ZNF225: variants seen among roughly 807,000 people sequenced by gnomAD.
The protein encoded by ZNF225 is zinc finger protein 225.
A neutral mutation model predicts 12.0 loss-of-function variants in ZNF225; 6 were observed. That is an observed-to-expected ratio of 0.50 (90% CI 0.27 to 0.98). The LOEUF is 0.98. Ranked by LOEUF, ZNF225 falls within the 50% of genes least tolerant of loss-of-function variation. The pLI, the probability that ZNF225 is intolerant of heterozygous loss-of-function variation, is 0.11. For synonymous variants in ZNF225, 271 were observed against 283.2 expected, an observed-to-expected ratio of 0.96 and a Z score of 0.43; for missense variants, 763 against 848.2, an observed-to-expected ratio of 0.90 and a Z score of 1.25.
At chr19:44,112,179 T>C (rs1022295824), upstream of ZNF225, 4 of 152,178 alleles carry the variant, frequency 2.6e-5, no homozygotes, top group East Asian at 7.7e-4. Context: ...CCTAATCTTC[T>C]TATGCAAATA....
At position 44,131,926 on chromosome 19, in the gene ZNF225, A is replaced by G. The variant is rs187706799; in HGVS notation, c.1312A>G (p.Lys438Glu). ...ATGTGAGGAGTGTGGGAAGGGCTAC[A>G]AAAGGAGGTTGGATCTTGACTTTCA... Reference protein sequence around the residue: ...YRCEECGKGYKRRLDLDFHQR... With the variant: ...YRCEECGKGYERRLDLDFHQR... The change falls in exon 5 of 5, where the codon AAA becomes GAA. Residue 438 changes from lysine (K) to glutamate (E), a missense_variant. Physicochemically the swap from Lys to Glu is moderately conservative, Grantham distance 56. Coordinates refer to ENST00000262894, the MANE Select transcript of ZNF225 (RefSeq NM_013362.4). The G allele has an allele frequency of 1.2e-6, 2 of 1,614,026 alleles. No homozygotes were observed. Among genetic ancestry groups the G allele is most frequent in the Non-Finnish European group, 1.7e-6 (2 of 1,180,026 alleles).
Position 44,118,253 on chromosome 19 carries a change from T to C in ZNF225, c.81T>C (p.Leu27=). Residue 27 remains leucine (L), a synonymous_variant, in exon 3 of 5, where the codon CTT becomes CTC. Coordinates refer to ENST00000262894, the MANE Select transcript of ZNF225 (RefSeq NM_013362.4). The part of the protein sequence containing the change: ...FTEEELRLLD[L]AQRKLYREVM... ...AGGAAGAGCTGAGGCTGCTGGACCT[T>C]GCCCAGAGGAAACTGTACCGAGAAG... is the stretch of plus-strand genomic sequence containing the variant. 1 of 1,613,508 alleles carries C rather than the reference T, an allele frequency of 6.2e-7. No individual in the cohort carries two copies. The highest frequency in any genetic ancestry group is 1.1e-5 in the South Asian group (1 of 91,054).
chr19:44,120,103 G>C (rs1968023659), intron 4 of ZNF225, among the ~76,000 whole-genome samples: 1 of 152,168 alleles, frequency 6.6e-6, no homozygotes, highest in Non-Finnish European at 1.5e-5. Flanking sequence ...TGTAGTCTCA[G>C]TTACTCGGGA....
In ZNF225 at chr19:44,133,005, C is replaced by T; in HGVS notation, c.*270C>T. On this transcript the variant is annotated 3_prime_UTR_variant, in exon 5 of 5. Transcript: ENST00000262894. ...CCAACCTTTGGCTACCACCCTGCCTCCTCACCTCTAAGAACTACTATTCTA... is the reference window on the plus strand; with the variant it reads ...CCAACCTTTGGCTACCACCCTGCCTTCTCACCTCTAAGAACTACTATTCTA... 3.5e-6 allele frequency: 1 copy of T among 289,582 alleles called. No individual in the cohort carries two copies. Among genetic ancestry groups the T allele is most frequent in the South Asian group, 5.1e-5 (1 of 19,788 alleles). The allele number at this position is 289,582 out of a possible 1,614,324, so 17.9% of individuals were successfully genotyped here.
intron 4 of ZNF225, among the ~76,000 whole-genome samples, chr19:44,121,815 T>C (rs768018894): frequency 6.6e-5 from 10 of 152,224 alleles, no homozygotes; most frequent in Non-Finnish European, 1.2e-4. Flanking sequence ...TCTATTCATG[T>C]TCTTAGCCCA....
At chr19:44,126,207 C>G (rs1372508767) in intron 4 of ZNF225, among the ~76,000 whole-genome samples, 5 of 152,136 alleles carry the variant, frequency 3.3e-5, no homozygotes, top group African/African-American at 1.2e-4. Context: ...GGCTGTTGTT[C>G]AGATTCTTTT....
intron 4 of ZNF225, chr19:44,128,991 C>T (rs1968196851): frequency 1.7e-6 from 2 of 1,170,654 alleles, no homozygotes; most frequent in Non-Finnish European, 2.1e-6. Context: ...GGTGATCTTA[C>T]CAACTTTCAT....
chr19:44,127,805 A>AT (rs1231075772), intron 4 of ZNF225, among the ~76,000 whole-genome samples: 2 of 151,694 alleles, frequency 1.3e-5, no homozygotes, highest in Non-Finnish European at 2.9e-5. Context: ...TGCCCAGCTA[A>AT]TTTTTTTGTA....
intron 4 of ZNF225, among the ~76,000 whole-genome samples, chr19:44,118,891 A>C (rs1325988044): frequency 3.4e-5 from 5 of 148,526 alleles, no homozygotes; most frequent in African/African-American, 1.0e-4. Context: ...ATCTCGGCTC[A>C]CTGCAAGCTC....
In ZNF225 at chr19:44,130,838, G is replaced by C. The variant is rs758356386; in HGVS notation, c.236-12G>C. 1.3e-5 allele frequency: 21 copies of C among 1,592,134 alleles called. No homozygotes were observed. The highest frequency in any genetic ancestry group is 1.8e-5 in the Non-Finnish European group (21 of 1,170,102). On this transcript the variant is annotated splice_polypyrimidine_tract_variant and intron_variant, in intron 4 of 4. Transcript: ENST00000262894. Reference sequence around the variant, plus strand: ...TTACTTGCCCACATCTCTTAATTCTGTGTCATTATAGGAGGCAAGATCCAA... The same window carrying C: ...TTACTTGCCCACATCTCTTAATTCTCTGTCATTATAGGAGGCAAGATCCAA...
chr19:44,112,357 T>A (rs984003018), upstream of ZNF225: 1 of 152,114 alleles, frequency 6.6e-6, no homozygotes, highest in African/African-American at 2.4e-5. Context: ...AGGGAAATAA[T>A]TTGGGGCTGC....
chr19:44,124,996 T>C (rs1968120853), intron 4 of ZNF225, among the ~76,000 whole-genome samples: 1 of 152,222 alleles, frequency 6.6e-6, no homozygotes. Flanking sequence ...AAGTGGAGCA[T>C]TTAGGCCATT....
chr19:44,120,160 T>A (rs1968024769), intron 4 of ZNF225, among the ~76,000 whole-genome samples: 1 of 152,188 alleles, frequency 6.6e-6, no homozygotes, highest in Non-Finnish European at 1.5e-5. Context: ...GAGGTTGCAG[T>A]GAGCCGAGAT....
chr19:44,131,541 T>A lies in ZNF225; in HGVS notation c.927T>A (p.Val309=), dbSNP rs45492002. ...SRANLNRHSM[V]HMREKPFRCD... ...CAAATCTTAATAGGCATTCCATGGT[T>A]CACATGCGAGAGAAACCATTCAGAT... The change falls in exon 5 of 5, where the codon GTT becomes GTA. Residue 309 remains valine, a synonymous_variant. Coordinates refer to ENST00000262894, the MANE Select transcript of ZNF225 (RefSeq NM_013362.4). The A allele has an allele frequency of 6.2e-7, 1 of 1,614,122 alleles. No homozygotes were observed. Among genetic ancestry groups the A allele is most frequent in the Middle Eastern group, 1.6e-4 (1 of 6,062 alleles).
chr19:44,130,857 G>T lies in ZNF225; in HGVS notation c.243G>T (p.Lys81Asn). The change falls in exon 5 of 5, where the codon AAG becomes AAT. Residue 81 changes from lysine (K) to asparagine (N), a missense_variant. By Grantham distance (94) the Lys-to-Asn change is moderately conservative. Transcript: ENST00000262894. ...ATQREGNLGG[K>N]IQMEMETVSE... is the part of the protein sequence containing the mutation. ...AATTCTGTGTCATTATAGGAGGCAA[G>T]ATCCAAATGGAGATGGAGACTGTTT... 6.2e-7 allele frequency: 1 copy of T among 1,609,016 alleles called. No individual in the cohort carries two copies. Among genetic ancestry groups the T allele is most frequent in the Non-Finnish European group, 8.5e-7 (1 of 1,177,574 alleles).
At chr19:44,128,619 A>C (rs1467984849) in intron 4 of ZNF225, 1 of 158,282 alleles carries the variant, frequency 6.3e-6, no homozygotes, top group African/African-American at 2.4e-5. Flanking sequence ...CAAGATTTTC[A>C]ATGTTTTATG....
intron 4 of ZNF225, among the ~76,000 whole-genome samples, chr19:44,121,362 A>C (rs1294440096): frequency 6.6e-6 from 1 of 152,204 alleles, no homozygotes; most frequent in African/African-American, 2.4e-5. Flanking sequence ...TCCATTGTAT[A>C]TAATACCACA....
chr19:44,118,337 A>T (rs1331566797), intron 3 of ZNF225, 23 bp downstream of exon 3: 6 of 1,609,936 alleles, frequency 3.7e-6, no homozygotes, highest in Non-Finnish European at 5.1e-6. Flanking sequence ...ACCCTTTGTA[A>T]GGGAACATCA....
intron 4 of ZNF225, chr19:44,130,161 G>T (rs540528501): frequency 6.6e-6 from 1 of 152,534 alleles, no homozygotes; most frequent in South Asian, 2.1e-4. Context: ...CACTTTGGGA[G>T]GCCAAAATGG....
Sources: allele counts gnomAD v4.1 joint callset (sites outside exome capture counted in the v4.1 genomes callset), GRCh38; gene constraint gnomAD v4.1.1; transcripts MANE v1.5; gene names NCBI Gene and HGNC (gene_info 2026-07-23, HGNC 2026-07-21).